The following GAN variants were observed in gnomAD, a reference collection of about 807,000 sequenced individuals.
GAN encodes epididymis secretory sperm binding protein.
Under a neutral mutation model 71.3 loss-of-function variants are expected in GAN, and 48 were observed. That is an observed-to-expected ratio of 0.67 (90% confidence interval 0.53 to 0.86). The LOEUF is 0.86. GAN is among the 40% of genes least tolerant of loss of function. The pLI is 0.00. For missense variants in GAN, 928 were observed against 770.1 expected, an observed-to-expected ratio of 1.21 and a Z score of -2.43; for synonymous variants, 386 against 276.8, an observed-to-expected ratio of 1.39 and a Z score of -3.92.
rs895551576 is a variant in GAN at position 81,344,012 on chromosome 16, A to G, written c.168-7571A>G. Among the ~76,000 whole-genome samples, 7 of 152,228 alleles carry G rather than the reference A, an allele frequency of 4.6e-5. No individual in the cohort carries two copies. In the East Asian group the frequency reaches 5.8e-4, roughly 13 times the overall value. On this transcript the variant is annotated intron_variant, in intron 1 of 10. Transcript: ENST00000648994. ...AATCATGAGTGAACTCCCATTCACA[A>G]TTGCTACTAAGAGAATAAAATACAT...
chr16:81,367,459 G>A (rs532412553), intron 9 of GAN, among the ~76,000 whole-genome samples: 4 of 152,150 alleles, frequency 2.6e-5, no homozygotes, highest in African/African-American at 9.7e-5. Context: ...AACCCAGGAG[G>A]TGGAGTGTGC....
intron 1 of GAN, among the ~76,000 whole-genome samples, chr16:81,344,762 C>G (rs183830117): frequency 1.3e-5 from 2 of 152,152 alleles, no homozygotes; most frequent in East Asian, 3.9e-4. Context: ...CAAATGGGAT[C>G]TAATTAAAGA....
intron 1 of GAN, 137 bp downstream of exon 1, chr16:81,315,417 T>G: frequency 1.9e-6 from 1 of 526,520 alleles, no homozygotes; most frequent in African/African-American, 2.0e-5. Flanking sequence ...TGGCGCGGCG[T>G]CCCTCCCGGC....
Position 81,350,046 on chromosome 16 carries a change from C to T in GAN, c.168-1537C>T, listed in dbSNP as rs183434422. Among the ~76,000 whole-genome samples, 7 of 151,754 alleles carry T rather than the reference C, an allele frequency of 4.6e-5. No individual in the cohort carries two copies. In the Middle Eastern group the frequency reaches 0.01, roughly 221 times the overall value. On this transcript the variant is annotated intron_variant, in intron 1 of 10. Transcript: ENST00000648994. The stretch of plus-strand genomic sequence containing the variant: ...AAAAAGCATTGACCGAAAAATTGTT[C>T]TTCAAATTCTTCATCAGTTTGTTTA...
In GAN at chr16:81,383,924, T is replaced by G. The variant is rs1046665748; in HGVS notation, c.*6328T>G. On this transcript the variant is annotated 3_prime_UTR_variant, in exon 11 of 11. Transcript: ENST00000648994. ...ATTTATTAGGATCTTATTTTTAGCATTTCATTACAAGTAATAGGTTTGGGT... is the reference window on the plus strand; with the variant it reads ...ATTTATTAGGATCTTATTTTTAGCAGTTCATTACAAGTAATAGGTTTGGGT... The G allele has an allele frequency of 6.6e-6, 1 of 152,180 alleles. No individual in the cohort carries two copies. The highest frequency in any genetic ancestry group is 1.5e-5 in the Non-Finnish European group (1 of 68,036). The allele number at this position is 152,180 out of a possible 1,614,324, so 9.4% of individuals were successfully genotyped here.
intron 1 of GAN, among the ~76,000 whole-genome samples, chr16:81,346,476 C>G (rs963681515): frequency 6.6e-6 from 1 of 152,162 alleles, no homozygotes; most frequent in Admixed American, 6.5e-5. Flanking sequence ...CGCCTCCTGT[C>G]AGATCAGTGG....
chr16:81,363,753 C>G (rs747581809), intron 6 of GAN, 41 bp from the exon 7 acceptor site: 2 of 1,598,782 alleles, frequency 1.3e-6, no homozygotes, highest in African/African-American at 1.3e-5. Context: ...TCAATATGAT[C>G]ATTGGCCTTG....
At chr16:81,366,241 C>T (rs1278267394) in intron 9 of GAN, among the ~76,000 whole-genome samples, 1 of 152,192 alleles carries the variant, frequency 6.6e-6, no homozygotes, top group African/African-American at 2.4e-5. Flanking sequence ...CCACCTTCGT[C>T]AGCTCTGTAT....
At chr16:81,351,890 C>G (rs923695868) in intron 2 of GAN, among the ~76,000 whole-genome samples, 193 bp downstream of exon 2, 1 of 152,170 alleles carries the variant, frequency 6.6e-6, no homozygotes. Context: ...CCTAGAGAAG[C>G]AGAGGAAGTA....
At chr16:81,375,894 C>G (rs1018650777) in intron 9 of GAN, among the ~76,000 whole-genome samples, 4 of 149,828 alleles carry the variant, frequency 2.7e-5, no homozygotes, top group Admixed American at 2.0e-4. Context: ...CACTAGAGTC[C>G]AAGAGGTTGA....
At chr16:81,336,196 C>T (rs1433820402) in intron 1 of GAN, among the ~76,000 whole-genome samples, 1 of 152,206 alleles carries the variant, frequency 6.6e-6, no homozygotes, top group Non-Finnish European at 1.5e-5. Context: ...GTCCACACCC[C>T]ACTACCTGCT....
In GAN at chr16:81,376,581, ATATG is replaced by A. The variant is rs528192879; in HGVS notation, c.1503-630_1503-627del. 4.4e-3 allele frequency among the ~76,000 whole-genome samples: 656 copies of A among 150,632 alleles called. 1 individual carries two copies. The highest frequency in any genetic ancestry group is 7.5e-3 in the Non-Finnish European group (509 of 67,766). On this transcript the variant is annotated intron_variant, in intron 9 of 10. Transcript: ENST00000648994. ...TACATATATATGTGTATATGTGTAT[ATATG>A]TATGTATAAGTATATATTATATGTA...
rs1323984179 is a variant in GAN at position 81,389,098 on chromosome 16, A to T, written c.*11502A>T. On this transcript the variant is annotated 3_prime_UTR_variant, in exon 11 of 11. Transcript: ENST00000648994. ...TCTTTTTCCTAGATCGTACCTCAAA[A>T]TTCAGGCTCTCCATGAAAACAAAGA... 1 of 152,214 alleles carries T rather than the reference A, an allele frequency of 6.6e-6. No homozygotes were observed. Among genetic ancestry groups the T allele is most frequent in the Non-Finnish European group, 1.5e-5 (1 of 68,032 alleles). The allele number at this position is 152,214 out of a possible 1,614,324, so 9.4% of individuals were successfully genotyped here.
chr16:81,363,748 A>G, intron 6 of GAN, 46 bp from the exon 7 acceptor site: 10 of 1,589,874 alleles, frequency 6.3e-6, no homozygotes, highest in East Asian at 2.2e-5. Flanking sequence ...AGCTTTCAAT[A>G]TGATCATTGG....
At chr16:81,320,930 T>C (rs1053921117) in intron 1 of GAN, among the ~76,000 whole-genome samples, 1 of 152,166 alleles carries the variant, frequency 6.6e-6, no homozygotes, top group African/African-American at 2.4e-5. Context: ...TCCTTTTTTC[T>C]TTTTTGTAAT....
intron 1 of GAN, among the ~76,000 whole-genome samples, chr16:81,335,528 A>G (rs12925975): frequency 6.6e-6 from 1 of 151,774 alleles, no homozygotes; most frequent in Non-Finnish European, 1.5e-5. Flanking sequence ...GGGCAGATCA[A>G]CTGAGGTCAG....
In GAN at chr16:81,365,254, G is replaced by T. The variant is rs112256600; in HGVS notation, c.1374-96G>T. Reference sequence around the variant, plus strand: ...TTCCTGAGAAAGGAAGGCCCACGTAGTAATGCTGCAGAGTTAAACCAGCAT... The same window carrying T: ...TTCCTGAGAAAGGAAGGCCCACGTATTAATGCTGCAGAGTTAAACCAGCAT... On this transcript the variant is annotated intron_variant, in intron 8 of 10. Transcript: ENST00000648994. 783 of 1,570,870 alleles carry T rather than the reference G, an allele frequency of 5.0e-4. 4 individuals carry two copies. In the African/African-American group the frequency reaches 9.4e-3, roughly 19 times the overall value.
At chr16:81,320,609 T>C (rs568699685) in intron 1 of GAN, among the ~76,000 whole-genome samples, 82 of 152,356 alleles carry the variant, frequency 5.4e-4, no homozygotes, top group African/African-American at 1.9e-3. Context: ...TCCCGAATGA[T>C]TGTCATAAGG....
chr16:81,334,533 C>A (rs1039952113), intron 1 of GAN, among the ~76,000 whole-genome samples: 1 of 152,174 alleles, frequency 6.6e-6, no homozygotes, highest in Non-Finnish European at 1.5e-5. Context: ...TAGGTTTATT[C>A]CCAAATGAAA....
Sources: gnomAD v4.1 joint callset for allele counts (sites outside exome capture counted in the v4.1 genomes callset) on GRCh38, gnomAD v4.1.1 for gene constraint, MANE v1.5 for transcripts, NCBI Gene and HGNC (gene_info 2026-07-23, HGNC 2026-07-21) for gene names.